The following TENM4 variants were observed in gnomAD, a reference collection of about 807,000 sequenced individuals.
TENM4 encodes teneurin-4.
In TENM4, 82 loss-of-function variants were observed where a neutral mutation model predicts 243.3. The ratio of observed to expected loss-of-function variants is 0.34; its 90% CI spans 0.28 to 0.40. The LOEUF (loss-of-function observed/expected upper bound fraction) is 0.40. Among genes scored for constraint, TENM4 ranks in the 10% least tolerant of loss-of-function variants. TENM4 has a pLI of 1.00. For synonymous variants in TENM4, 1,412 were observed against 1,456.3 expected, an observed-to-expected ratio of 0.97 and a Z score of 0.69; for missense variants, 3,138 against 3,673.3, an observed-to-expected ratio of 0.85 and a Z score of 3.77.
chr11:78,946,961 CTG>C (rs1857012806), intron 6 of TENM4, among the ~76,000 whole-genome samples: 1 of 152,152 alleles, frequency 6.6e-6, no homozygotes, highest in African/African-American at 2.4e-5. Flanking sequence ...GATGAAGATG[CTG>C]TGAACATTGT....
In TENM4 at chr11:79,268,626, C is replaced by T. The variant is rs1383732658; in HGVS notation, c.-265+28862G>A. The stretch of plus-strand genomic sequence containing the variant: ...CAACACTATCATGGTCATTTGTGGA[C>T]CATGCATAAAGAGGTGAAAAATTTG... On this transcript the variant is annotated intron_variant, in intron 2 of 33. Transcript: ENST00000278550. Among the ~76,000 whole-genome samples, 6 of 152,100 alleles carry T rather than the reference C, an allele frequency of 3.9e-5. 1 individual carries two copies. In the East Asian group the frequency reaches 1.2e-3, roughly 29 times the overall value.
At chr11:79,149,732 C>G (rs1009242966) in intron 3 of TENM4, among the ~76,000 whole-genome samples, 2 of 150,938 alleles carry the variant, frequency 1.3e-5, no homozygotes, top group Admixed American at 6.6e-5. Flanking sequence ...CTCTGGCTGT[C>G]GGGTTGATCT....
intron 1 of TENM4, among the ~76,000 whole-genome samples, chr11:79,381,528 G>A (rs1472304792): frequency 6.6e-6 from 1 of 150,750 alleles, no homozygotes; most frequent in Admixed American, 6.6e-5. Flanking sequence ...CCCGTTGACC[G>A]AATTGAGTTC....
intron 1 of TENM4, among the ~76,000 whole-genome samples, chr11:79,324,914 G>A: frequency 6.6e-6 from 1 of 152,162 alleles, no homozygotes; most frequent in African/African-American, 2.4e-5. Context: ...AGGTGAAATG[G>A]AAGTCAGAAG....
chr11:79,141,652 T>G (rs916671534), intron 4 of TENM4, among the ~76,000 whole-genome samples: 1 of 151,926 alleles, frequency 6.6e-6, no homozygotes, highest in East Asian at 1.9e-4. Flanking sequence ...AGGCCAATAT[T>G]ACCCTGATAC....
chr11:79,167,734 C>T (rs1862946708), intron 3 of TENM4, among the ~76,000 whole-genome samples: 1 of 152,166 alleles, frequency 6.6e-6, no homozygotes, highest in Admixed American at 6.5e-5. Flanking sequence ...AGTCAGGACA[C>T]AGAGAGAGAC....
chr11:78,808,107 C>A (rs893028693), intron 14 of TENM4, among the ~76,000 whole-genome samples: 3 of 152,150 alleles, frequency 2.0e-5, no homozygotes, highest in African/African-American at 7.2e-5. Flanking sequence ...TATTTTGTAA[C>A]CTGGTATATT....
At chr11:79,102,712 A>T (rs972970713) in intron 4 of TENM4, among the ~76,000 whole-genome samples, 1 of 152,228 alleles carries the variant, frequency 6.6e-6, no homozygotes. Context: ...AACTCTGTCC[A>T]AAAAGGACTT....
Position 78,903,542 on chromosome 11 carries a change from G to A in TENM4, c.494-19C>T, listed in dbSNP as rs755372329. ...GGATGATCTAGGGCACAAACATGGC[G>A]GTCAGCGGCGGTGAGCTTGGTGCTG... On this transcript the variant is annotated intron_variant, in intron 6 of 33. Transcript: ENST00000278550. 178 of 1,543,112 alleles carry A rather than the reference G, an allele frequency of 1.2e-4. No individual in the cohort carries two copies. Among genetic ancestry groups the A allele is most frequent in the Middle Eastern group, 1.7e-4 (1 of 5,726 alleles).
intron 3 of TENM4, among the ~76,000 whole-genome samples, chr11:79,181,660 A>C (rs12790503): frequency 2.0e-5 from 3 of 152,154 alleles, no homozygotes; most frequent in African/African-American, 7.2e-5. Flanking sequence ...AACTTTGTTC[A>C]CAAATAATAT....
chr11:79,140,064 G>C (rs996939887), intron 4 of TENM4, among the ~76,000 whole-genome samples: 1 of 151,522 alleles, frequency 6.6e-6, no homozygotes, highest in African/African-American at 2.4e-5. Flanking sequence ...TCAGGGCACA[G>C]AGCCCTTCAC....
rs1857892202 is a variant in TENM4, at chr11:79,376,421, G to A, written c.-321+64088C>T. 2.6e-5 allele frequency among the ~76,000 whole-genome samples: 4 copies of A among 152,300 alleles called. No individual in the cohort carries two copies. In the South Asian group the frequency reaches 6.2e-4, roughly 24 times the overall value. On this transcript the variant is annotated intron_variant, in intron 1 of 33. Transcript: ENST00000278550. ...TTTGCTAATGCTGCTCTGCTAAAGT[G>A]TCCTTTCTCTGTCTTGGGGCTACCT... is the stretch of plus-strand genomic sequence containing the variant.
chr11:79,025,173 C>T (rs1859042153), intron 6 of TENM4, among the ~76,000 whole-genome samples: 1 of 152,132 alleles, frequency 6.6e-6, no homozygotes. Context: ...TCACACTAGC[C>T]TGAGAATTCC....
At chr11:79,382,900 T>C (rs779395687) in intron 1 of TENM4, among the ~76,000 whole-genome samples, 28 of 152,098 alleles carry the variant, frequency 1.8e-4, no homozygotes, top group African/African-American at 6.5e-4. Flanking sequence ...AGGGATGAGA[T>C]TCCTGGATAT....
chr11:78,948,107 G>T (rs919957466), intron 6 of TENM4, among the ~76,000 whole-genome samples: 3 of 152,136 alleles, frequency 2.0e-5, no homozygotes, highest in African/African-American at 7.2e-5. Flanking sequence ...CTAAGGAAAA[G>T]TTGAAAGAAT....
chr11:79,320,244 G>T (rs749745852), intron 1 of TENM4, among the ~76,000 whole-genome samples: 54 of 152,166 alleles, frequency 3.5e-4, no homozygotes, highest in Non-Finnish European at 7.3e-4. Context: ...CCTGAGCTGT[G>T]CATGTTAGTT....
At chr11:79,406,280 G>T (rs1237637047) in intron 1 of TENM4, among the ~76,000 whole-genome samples, 1 of 151,882 alleles carries the variant, frequency 6.6e-6, no homozygotes, top group Admixed American at 6.6e-5. Context: ...TTTGTTTCTG[G>T]AATCAATTTA....
At chr11:78,940,561 C>T (rs1244428726) in intron 6 of TENM4, among the ~76,000 whole-genome samples, 4 of 152,164 alleles carry the variant, frequency 2.6e-5, no homozygotes, top group Non-Finnish European at 5.9e-5. Flanking sequence ...GCTGACAGGG[C>T]AGCAGGCTCA....
intron 1 of TENM4, among the ~76,000 whole-genome samples, chr11:79,404,599 T>C (rs983597655): frequency 1.3e-5 from 2 of 152,354 alleles, no homozygotes; most frequent in African/African-American, 4.8e-5. Context: ...GACTAGTGGT[T>C]AACTTTATGT....
Sources: gnomAD v4.1 joint callset for allele counts (sites outside exome capture counted in the v4.1 genomes callset) on GRCh38, gnomAD v4.1.1 for gene constraint, MANE v1.5 for transcripts, NCBI Gene and HGNC (gene_info 2026-07-23, HGNC 2026-07-21) for gene names.